Variants in TMEM108 observed in about 807,000 individuals in gnomAD.
The protein encoded by TMEM108 is transmembrane protein 108, also known as cancer/testis antigen 124.
In TMEM108, 12 loss-of-function variants were observed where a neutral mutation model predicts 35.1. The ratio of observed to expected loss-of-function variants is 0.34; its 90% CI spans 0.22 to 0.55. The LOEUF is 0.55. Ranked by LOEUF, TMEM108 falls within the 20% of genes least tolerant of loss-of-function variation. The pLI is 0.89. For synonymous variants in TMEM108, 287 were observed against 308.6 expected, an observed-to-expected ratio of 0.93 and a Z score of 0.73; for missense variants, 680 against 753.3, an observed-to-expected ratio of 0.90 and a Z score of 1.14.
intron 2 of TMEM108, among the ~76,000 whole-genome samples, chr3:133,164,109 G>A (rs545581286): frequency 6.6e-6 from 1 of 151,922 alleles, no homozygotes; most frequent in East Asian, 1.9e-4. Flanking sequence ...TGGACTCTTA[G>A]ATCAATTTAT....
At chr3:133,354,883 T>TAAA (rs3055470) in intron 3 of TMEM108, among the ~76,000 whole-genome samples, 1 of 149,690 alleles carries the variant, frequency 6.7e-6, no homozygotes, top group Admixed American at 6.6e-5. Flanking sequence ...AGCACATGTT[T>TAAA]AAAAAAAAAA....
chr3:133,319,132 A>G (rs1353057393), intron 3 of TMEM108, among the ~76,000 whole-genome samples: 4 of 152,044 alleles, frequency 2.6e-5, no homozygotes, highest in African/African-American at 9.7e-5. Context: ...CTGGAACATA[A>G]CCCCGTTGGC....
At chr3:133,115,905 CAT>C (rs761482403) in intron 2 of TMEM108, among the ~76,000 whole-genome samples, 1 of 152,180 alleles carries the variant, frequency 6.6e-6, no homozygotes, top group Non-Finnish European at 1.5e-5. Context: ...CATCTGTTCT[CAT>C]GTGTGAGTTT....
intron 2 of TMEM108, among the ~76,000 whole-genome samples, chr3:133,185,285 T>C (rs1202966325): frequency 6.6e-6 from 1 of 152,178 alleles, no homozygotes; most frequent in East Asian, 1.9e-4. Context: ...CTTCTTTCCG[T>C]GGGAAAAGTA....
chr3:133,366,854 A>G (rs1314231042), intron 3 of TMEM108, among the ~76,000 whole-genome samples: 2 of 152,200 alleles, frequency 1.3e-5, no homozygotes, highest in Admixed American at 1.3e-4. Context: ...TGACTTCAGT[A>G]GTGATGGTAC....
Position 133,191,168 on chromosome 3 carries a change from C to G in TMEM108, c.-46-38098C>G, listed in dbSNP as rs544444635. Among the ~76,000 whole-genome samples the G allele has an allele frequency of 3.9e-5, 6 of 152,150 alleles. No individual in the cohort carries two copies. In the South Asian group the frequency reaches 1.2e-3, roughly 32 times the overall value. On this transcript the variant is annotated intron_variant, in intron 2 of 5. Coordinates refer to ENST00000321871, the MANE Select transcript of TMEM108 (RefSeq NM_023943.4). ...AACTCAAGGATTGGGGTGGGAGGAT[C>G]TATAAGCAATACAACCATGCAAAAG... is the stretch of plus-strand genomic sequence containing the variant.
intron 3 of TMEM108, among the ~76,000 whole-genome samples, chr3:133,364,697 A>G (rs1438935920): frequency 6.6e-6 from 1 of 152,202 alleles, no homozygotes; most frequent in Non-Finnish European, 1.5e-5. Context: ...TACTGTGGAG[A>G]AAGACATGGG....
intron 3 of TMEM108, among the ~76,000 whole-genome samples, chr3:133,361,569 C>T (rs1270947342): frequency 6.6e-6 from 1 of 152,168 alleles, no homozygotes; most frequent in African/African-American, 2.4e-5. Context: ...CAGCTTGTCT[C>T]GGCTTCCGTT....
intron 3 of TMEM108, among the ~76,000 whole-genome samples, chr3:133,233,138 C>T (rs1434120221): frequency 6.6e-6 from 1 of 151,808 alleles, no homozygotes; most frequent in Non-Finnish European, 1.5e-5. Flanking sequence ...GTGCTGCACC[C>T]ATTAACTCGT....
intron 2 of TMEM108, among the ~76,000 whole-genome samples, chr3:133,101,897 C>T (rs925539843): frequency 2.0e-5 from 3 of 152,176 alleles, no homozygotes. Context: ...AATACAAGGG[C>T]AGAATTCTTC....
intron 3 of TMEM108, among the ~76,000 whole-genome samples, chr3:133,309,682 CTTTTTTTTTTTTTTTTTTTTTTTTT>C (rs148272827): frequency 5.8e-5 from 4 of 69,138 alleles, no homozygotes; most frequent in South Asian, 1.0e-3. Flanking sequence ...GAGTGAGTTT[CTTTTTTTTTTTTTTTTTTTTTTTTT>C]TTTTTTTTTT....
intron 3 of TMEM108, among the ~76,000 whole-genome samples, chr3:133,254,032 T>C (rs1576414289): frequency 1.3e-5 from 2 of 152,258 alleles, no homozygotes; most frequent in Admixed American, 6.5e-5. Flanking sequence ...CATATTCCTA[T>C]AAAAGAACAT....
intron 5 of TMEM108, among the ~76,000 whole-genome samples, chr3:133,391,889 A>G (rs1423612124): frequency 6.6e-6 from 1 of 152,116 alleles, no homozygotes; most frequent in Non-Finnish European, 1.5e-5. Flanking sequence ...GAGCTGTGAT[A>G]TGCTACTGGT....
At chr3:133,157,434 CACACACATAT>C (rs1944897776) in intron 2 of TMEM108, among the ~76,000 whole-genome samples, 2 of 152,150 alleles carry the variant, frequency 1.3e-5, no homozygotes, top group South Asian at 4.1e-4. Context: ...TGTACACATA[CACACACATAT>C]ATATTTAACA....
At chr3:133,348,792 G>A (rs984614555) in intron 3 of TMEM108, among the ~76,000 whole-genome samples, 3 of 152,110 alleles carry the variant, frequency 2.0e-5, no homozygotes, top group African/African-American at 7.2e-5. Flanking sequence ...CTTCAAGAGG[G>A]GACCTGAGTG....
intron 3 of TMEM108, among the ~76,000 whole-genome samples, chr3:133,277,078 G>A (rs1264105430): frequency 6.6e-6 from 1 of 151,844 alleles, no homozygotes; most frequent in East Asian, 1.9e-4. Flanking sequence ...AGACTAAAAG[G>A]ACATGACAAG....
In TMEM108 at chr3:133,268,731, C is replaced by T. The variant is rs145744649; in HGVS notation, c.40+39380C>T. On this transcript the variant is annotated intron_variant, in intron 3 of 5. Coordinates refer to ENST00000321871, the MANE Select transcript of TMEM108 (RefSeq NM_023943.4). Reference sequence around the variant, plus strand: ...TACTTCTCTGCTCTAAACTTTACATCATTTTCCAACCAGCTTATTTCTTTT... The same window carrying T: ...TACTTCTCTGCTCTAAACTTTACATTATTTTCCAACCAGCTTATTTCTTTT... Among the ~76,000 whole-genome samples, 276 of 152,286 alleles carry T rather than the reference C, an allele frequency of 1.8e-3. 1 individual carries two copies. Among genetic ancestry groups the T allele is most frequent in the African/African-American group, 6.3e-3 (261 of 41,548 alleles).
At chr3:133,344,658 AGTT>A (rs897759220) in intron 3 of TMEM108, among the ~76,000 whole-genome samples, 2 of 151,900 alleles carry the variant, frequency 1.3e-5, no homozygotes, top group African/African-American at 2.4e-5. Context: ...ATTATCCAGT[AGTT>A]GATTGGGAAC....
chr3:133,342,544 G>GATATATATATA (rs2071688329), intron 3 of TMEM108, among the ~76,000 whole-genome samples: 2 of 46,632 alleles, frequency 4.3e-5, no homozygotes, highest in African/African-American at 1.8e-4. Flanking sequence ...AGAAAATGTG[G>GATATATATATA]TATATATATA....
Sources: gnomAD v4.1 joint callset for allele counts (sites outside exome capture counted in the v4.1 genomes callset) on GRCh38, gnomAD v4.1.1 for gene constraint, MANE v1.5 for transcripts, NCBI Gene and HGNC (gene_info 2026-07-23, HGNC 2026-07-21) for gene names.